The following WARS1 variants were observed in gnomAD, a reference collection of about 807,000 sequenced individuals.
WARS1 encodes the protein tryptophan--tRNA ligase, cytoplasmic.
In WARS1, 17 loss-of-function variants were observed where a neutral mutation model predicts 47.8. The ratio of observed to expected loss-of-function variants is 0.36; its 90% confidence interval spans 0.24 to 0.53. WARS1 has a LOEUF of 0.53. Among genes scored for constraint, WARS1 ranks in the 20% least tolerant of loss-of-function variants. WARS1 has a pLI of 0.91. For synonymous variants in WARS1, 208 were observed against 228.1 expected (o/e 0.91, Z 0.79); for missense variants, 434 against 608.0 (o/e 0.71, Z 3.01).
chr14:100,360,351 GA>G lies in WARS1; in HGVS notation c.422+202del, dbSNP rs1291241409. ...CTTGTGAGGTGGGCAGTCTACAAAT[GA>G]AAAAACTAAGAGCCTGAGGGTGATG... On this transcript the variant is annotated intron_variant, in intron 4 of 10. Coordinates refer to ENST00000392882, the MANE Select transcript of WARS1 (RefSeq NM_004184.4). Among the ~76,000 whole-genome samples the G allele has an allele frequency of 2.0e-5, 3 of 152,166 alleles. No homozygotes were observed. In the East Asian group the frequency reaches 5.8e-4, roughly 29 times the overall value.
chr14:100,360,416 A>G, intron 4 of WARS1, 138 bp downstream of exon 4: 1 of 573,110 alleles, frequency 1.7e-6, no homozygotes, highest in Non-Finnish European at 3.1e-6. Flanking sequence ...GACAGGACAG[A>G]GGATGGATCT....
chr14:100,367,403 T>C (rs970451569), intron 2 of WARS1, among the ~76,000 whole-genome samples: 1 of 151,688 alleles, frequency 6.6e-6, no homozygotes, highest in Non-Finnish European at 1.5e-5. Context: ...GCCTGGCTAA[T>C]ATAGTGAAAC....
At position 100,339,124 on chromosome 14, in the gene WARS1, T is replaced by TAC. The variant is rs796168229; in HGVS notation, c.1114-1924_1114-1923dup. Among the ~76,000 whole-genome samples the TAC allele has an allele frequency of 1.2e-3, 168 of 144,428 alleles. 3 individuals carry two copies. Among genetic ancestry groups the TAC allele is most frequent in the East Asian group, 8.7e-3 (42 of 4,808 alleles). The allele number at this position is 144,428 out of a possible 152,430, so 94.8% of individuals were successfully genotyped here. On this transcript the variant is annotated intron_variant, in intron 9 of 10. Coordinates refer to ENST00000392882, the MANE Select transcript of WARS1 (RefSeq NM_004184.4). ...TCCATCACACACACACACACACACA[T>TAC]ACACACACACACACACACACACAGA...
chr14:100,358,386 C>A (rs1895462858), intron 4 of WARS1, among the ~76,000 whole-genome samples: 1 of 152,178 alleles, frequency 6.6e-6, no homozygotes, highest in Non-Finnish European at 1.5e-5. Flanking sequence ...CCTGCCTTGG[C>A]CTCCCAAAGT....
At chr14:100,345,168 G>A (rs1197810451) in intron 7 of WARS1, among the ~76,000 whole-genome samples, 1 of 150,878 alleles carries the variant, frequency 6.6e-6, no homozygotes, top group East Asian at 2.0e-4. Flanking sequence ...CGTCTGGGAG[G>A]TGTACCCAAC....
chr14:100,370,715 T>C (rs991618495), intron 1 of WARS1, among the ~76,000 whole-genome samples: 13 of 151,376 alleles, frequency 8.6e-5, no homozygotes, highest in African/African-American at 3.2e-4. Flanking sequence ...TGCCCATGGC[T>C]GGGCATGGTG....
intron 9 of WARS1, among the ~76,000 whole-genome samples, chr14:100,337,877 AAAAT>A (rs893556838): frequency 3.3e-5 from 5 of 152,066 alleles, no homozygotes; most frequent in Non-Finnish European, 7.4e-5. Context: ...AAAAACTAAA[AAAAT>A]AAATAAATAA....
chr14:100,339,662 G>A (rs1894027216), intron 9 of WARS1, among the ~76,000 whole-genome samples: 1 of 151,754 alleles, frequency 6.6e-6, no homozygotes, highest in South Asian at 2.1e-4. Flanking sequence ...ATAAACAGGA[G>A]GAAGAAAAAA....
At chr14:100,338,685 TG>T (rs964578952) in intron 9 of WARS1, among the ~76,000 whole-genome samples, 15 of 152,008 alleles carry the variant, frequency 9.9e-5, no homozygotes, top group African/African-American at 3.6e-4. Context: ...TCGCCTGCCT[TG>T]GCCTCCCAAA....
rs1894867727 is a variant in WARS1, at chr14:100,350,065, A to G, written c.726-3219T>C. ...GATATCATCGACCCTTTTGGTTGACATACTGTCTGGGTTTCATCTTTACCC... is the reference window on the plus strand; with the variant it reads ...GATATCATCGACCCTTTTGGTTGACGTACTGTCTGGGTTTCATCTTTACCC... On this transcript the variant is annotated intron_variant, in intron 6 of 10. Transcript: ENST00000392882. Among the ~76,000 whole-genome samples, 5 of 152,200 alleles carry G rather than the reference A, an allele frequency of 3.3e-5. No homozygotes were observed. The South Asian group carries it at 8.3e-4, about 25-fold the overall frequency.
At chr14:100,338,148 C>T (rs1047307259) in intron 9 of WARS1, among the ~76,000 whole-genome samples, 3 of 152,150 alleles carry the variant, frequency 2.0e-5, no homozygotes, top group Non-Finnish European at 4.4e-5. Flanking sequence ...AACTCAGAAA[C>T]ACAATGACTT....
rs1277505723 is a variant in WARS1, at chr14:100,334,291, T to A, written c.*584A>T. On this transcript the variant is annotated 3_prime_UTR_variant, in exon 11 of 11. Transcript: ENST00000392882. The stretch of plus-strand genomic sequence containing the variant: ...ATCAAAATTGCTGAACTCTGTTCAA[T>A]CTTCATTGTTAAAAGCAGCTTTAAA... The A allele has an allele frequency of 6.6e-6, 1 of 152,648 alleles. No homozygotes were observed. The highest frequency in any genetic ancestry group is 1.5e-5 in the Non-Finnish European group (1 of 68,068). 9.5% of individuals were successfully genotyped at this position (152,648 alleles called of 1,614,324 possible). A position where few individuals can be genotyped will look rare whatever the true frequency, so the allele number is the denominator to read the frequency against.
At position 100,343,156 on chromosome 14, in the gene WARS1, C is replaced by T. The variant is rs138490920; in HGVS notation, c.939+119G>A. ...CCTCCCAGAGTGCTGGTATTACAGG[C>T]GTGAGCCACCCTGCCTGGCTGCCCA... On this transcript the variant is annotated intron_variant, in intron 8 of 10. Coordinates refer to ENST00000392882, the MANE Select transcript of WARS1 (RefSeq NM_004184.4). The T allele has an allele frequency of 1.3e-4, 104 of 777,008 alleles. No individual in the cohort carries two copies. In the East Asian group the frequency reaches 3.3e-3, roughly 25 times the overall value. 48.1% of individuals were successfully genotyped at this position (777,008 alleles called of 1,614,324 possible).
In WARS1 at chr14:100,361,920, T is replaced by C. The variant is rs757808150; in HGVS notation, c.101A>G (p.Asp34Gly). Residue 34 changes from aspartate to glycine, a missense_variant and splice_region_variant, in exon 3 of 11, where the codon GAT becomes GGT. Asp to Gly is a moderately conservative substitution (Grantham distance 94). Coordinates refer to ENST00000392882, the MANE Select transcript of WARS1 (RefSeq NM_004184.4). ...RSLKAGNASK[D>G]EIDSAVKMLV... ...CATCTTTACTGCAGAATCAATTTCATCCTGAGAGAGGAAATAAAAGGGATG... is the reference window on the plus strand; with the variant it reads ...CATCTTTACTGCAGAATCAATTTCACCCTGAGAGAGGAAATAAAAGGGATG... The C allele has an allele frequency of 3.7e-6, 6 of 1,614,140 alleles. No individual in the cohort carries two copies. Among genetic ancestry groups the C allele is most frequent in the Non-Finnish European group, 5.1e-6 (6 of 1,179,992 alleles).
At chr14:100,352,650 C>T (rs1895070550) in intron 6 of WARS1, among the ~76,000 whole-genome samples, 1 of 152,162 alleles carries the variant, frequency 6.6e-6, no homozygotes, top group Non-Finnish European at 1.5e-5. Flanking sequence ...GGAGGAGTAA[C>T]ACGTCTTTGG....
At chr14:100,335,637 G>A (rs1893669191) in intron 10 of WARS1, among the ~76,000 whole-genome samples, 1 of 151,976 alleles carries the variant, frequency 6.6e-6, no homozygotes, top group East Asian at 1.9e-4. Context: ...CACCTGCCTC[G>A]GCCTCCCAAA....
chr14:100,342,583 G>A lies in WARS1; in HGVS notation c.940-12C>T. On this transcript the variant is annotated splice_polypyrimidine_tract_variant and intron_variant, in intron 8 of 10. Transcript: ENST00000392882. ...CTAAAGTAAGGATCCTGTGGGGAGA[G>A]TAAGGACCCTGATGAGGGCGGCCAG... 6.2e-7 allele frequency: 1 copy of A among 1,602,538 alleles called. No homozygotes were observed. Among genetic ancestry groups the A allele is most frequent in the African/African-American group, 1.3e-5 (1 of 74,680 alleles).
intron 10 of WARS1, 44 bp downstream of exon 10, chr14:100,337,018 G>A (rs1169614394): frequency 6.3e-7 from 1 of 1,599,006 alleles, no homozygotes; most frequent in African/African-American, 1.3e-5. Flanking sequence ...GGGCAGGAGT[G>A]GGTGGCAGAA....
chr14:100,367,047 T>TA, intron 2 of WARS1: 1 of 730,926 alleles, frequency 1.4e-6, no homozygotes, highest in Non-Finnish European at 2.2e-6. Flanking sequence ...TAAAATAAGA[T>TA]TAAAAAAAAA....
Sources: gnomAD v4.1 joint callset for allele counts (sites outside exome capture counted in the v4.1 genomes callset) on GRCh38, gnomAD v4.1.1 for gene constraint, MANE v1.5 for transcripts, NCBI Gene and HGNC (gene_info 2026-07-23, HGNC 2026-07-21) for gene names.